RBFOX1: variants seen among roughly 807,000 people sequenced by gnomAD.
The protein encoded by RBFOX1 is RNA binding fox-1 homolog 1, also known as RNA binding protein fox-1 homolog 1.
Under a neutral mutation model 57.7 loss-of-function variants are expected in RBFOX1, and 8 were observed. That is an observed-to-expected ratio of 0.14 (90% confidence interval 0.08 to 0.25). The LOEUF (loss-of-function observed/expected upper bound fraction) is 0.25. RBFOX1 is among the 10% of genes least tolerant of loss of function. RBFOX1 has a pLI of 1.00. For synonymous variants in RBFOX1, 326 were observed against 222.4 expected, an observed-to-expected ratio of 1.47 and a Z score of -4.15; for missense variants, 611 against 548.5, an observed-to-expected ratio of 1.11 and a Z score of -1.14.
chr16:6,365,198 A>AGATGGATGGGTAGATGAATG (rs1568026429), intron 2 of RBFOX1, among the ~76,000 whole-genome samples: 2 of 152,232 alleles, frequency 1.3e-5, no homozygotes, highest in African/African-American at 4.8e-5. Context: ...TTCTTAAAAT[A>AGATGGATGGGTAGATGAATG]GATGGATGGG....
chr16:6,943,350 A>C (rs1597950869), intron 3 of RBFOX1, among the ~76,000 whole-genome samples: 1 of 152,218 alleles, frequency 6.6e-6, no homozygotes, highest in East Asian at 1.9e-4. Context: ...TCTATATTTG[A>C]GTTCTTGTGG....
At chr16:6,872,530 T>G (rs938336570) in intron 3 of RBFOX1, among the ~76,000 whole-genome samples, 14 of 152,188 alleles carry the variant, frequency 9.2e-5, no homozygotes, top group African/African-American at 3.4e-4. Flanking sequence ...TATTTGAAAG[T>G]CTGGTTCCTG....
intron 4 of RBFOX1, among the ~76,000 whole-genome samples, chr16:7,297,268 A>G (rs1246923196): frequency 6.6e-6 from 1 of 152,034 alleles, no homozygotes; most frequent in Non-Finnish European, 1.5e-5. Context: ...AAACTACCCC[A>G]CCCTGTGAGA....
intron 3 of RBFOX1, among the ~76,000 whole-genome samples, chr16:5,659,398 G>A (rs909657849): frequency 2.6e-5 from 4 of 151,356 alleles, no homozygotes; most frequent in Admixed American, 6.6e-5. Context: ...CTGCCTCCCG[G>A]GTTCACGTCA....
chr16:6,382,728 C>T (rs1487745713), intron 2 of RBFOX1, among the ~76,000 whole-genome samples: 2 of 152,126 alleles, frequency 1.3e-5, no homozygotes, highest in Admixed American at 1.3e-4. Flanking sequence ...GATGTGGTGG[C>T]AGGTGCCTGT....
chr16:6,783,391 T>C (rs1348381024), intron 3 of RBFOX1, among the ~76,000 whole-genome samples: 1 of 151,500 alleles, frequency 6.6e-6, no homozygotes, highest in African/African-American at 2.4e-5. Context: ...TCTTTTAATT[T>C]TTTTGTGTCC....
intron 4 of RBFOX1, among the ~76,000 whole-genome samples, chr16:5,933,699 T>A (rs11641550): frequency 6.6e-6 from 1 of 152,058 alleles, no homozygotes; most frequent in South Asian, 2.1e-4. Flanking sequence ...CCTGAAATAC[T>A]ATGTAGAGTT....
At chr16:6,354,585 T>C (rs2086957762) in intron 2 of RBFOX1, among the ~76,000 whole-genome samples, 1 of 152,202 alleles carries the variant, frequency 6.6e-6, no homozygotes, top group African/African-American at 2.4e-5. Context: ...CCTCTTCCTC[T>C]GGCTCATTCC....
At chr16:6,312,306 C>T (rs746594312) in intron 1 of RBFOX1, among the ~76,000 whole-genome samples, 1 of 152,100 alleles carries the variant, frequency 6.6e-6, no homozygotes, top group Admixed American at 6.5e-5. Flanking sequence ...ACAAGGCAGC[C>T]CTTACCCTCC....
chr16:6,909,913 G>A (rs1254640212), intron 3 of RBFOX1, among the ~76,000 whole-genome samples: 1 of 152,036 alleles, frequency 6.6e-6, no homozygotes, highest in Non-Finnish European at 1.5e-5. Flanking sequence ...TGTTCGGGCA[G>A]GATTTGCTTT....
At chr16:6,121,682 T>G (rs2096550824) in intron 1 of RBFOX1, among the ~76,000 whole-genome samples, 1 of 152,032 alleles carries the variant, frequency 6.6e-6, no homozygotes, top group Non-Finnish European at 1.5e-5. Context: ...GGTTAACAGG[T>G]GGGGAGCTCT....
chr16:7,693,355 A>G, intron 14 of RBFOX1: 1 of 1,612,118 alleles, frequency 6.2e-7, no homozygotes. Flanking sequence ...AATTTCTTGT[A>G]ACACCTCTGC....
At chr16:7,051,970 G>C (rs2050237190) in intron 3 of RBFOX1, 87 bp from the exon 4 acceptor site, 8 of 1,542,566 alleles carry the variant, frequency 5.2e-6, no homozygotes, top group Non-Finnish European at 7.0e-6. Flanking sequence ...TTTGAGCTGA[G>C]TAATTAAAAG....
rs1601792993 is a variant in RBFOX1 at position 7,172,042 on chromosome 16, A to G, written c.27+119944A>G. 2.0e-5 allele frequency among the ~76,000 whole-genome samples: 3 copies of G among 151,102 alleles called. No homozygotes were observed. In the South Asian group the frequency reaches 6.3e-4, roughly 32 times the overall value. On this transcript the variant is annotated intron_variant, in intron 4 of 15. Transcript: ENST00000550418. Reference sequence around the variant, plus strand: ...GATTTTTGCTTCCAGTTTTGTCACAATTCACATGATATTGGGCAATTTAGA... The same window carrying G: ...GATTTTTGCTTCCAGTTTTGTCACAGTTCACATGATATTGGGCAATTTAGA...
intron 2 of RBFOX1, among the ~76,000 whole-genome samples, chr16:6,470,555 C>G (rs758711352): frequency 6.6e-6 from 1 of 152,182 alleles, no homozygotes; most frequent in Non-Finnish European, 1.5e-5. Context: ...TCCAGTTGGC[C>G]TTTAGCCACT....
At chr16:6,255,712 T>TA (rs1214570491) in intron 1 of RBFOX1, among the ~76,000 whole-genome samples, 2 of 151,834 alleles carry the variant, frequency 1.3e-5, no homozygotes, top group South Asian at 2.1e-4. Flanking sequence ...TATGCAGCCG[T>TA]AAAAAAAGAA....
At position 5,767,577 on chromosome 16, in the gene RBFOX1, AC is replaced by A. The variant is rs1193474269; in HGVS notation, c.319-99725del. On this transcript the variant is annotated intron_variant, in intron 3 of 19. Coordinates refer to the RBFOX1 transcript ENST00000641259. ...CCTGCGTGAGTTTCCAAGCTCACAC[AC>A]ATCTCCAGCTTCCTGCTTTTGTCAC... 2.1e-4 allele frequency among the ~76,000 whole-genome samples: 32 copies of A among 152,296 alleles called. 1 individual carries two copies. The highest frequency in any genetic ancestry group is 7.7e-4 in the African/African-American group (32 of 41,560).
chr16:7,010,764 C>A (rs779872262), intron 3 of RBFOX1, among the ~76,000 whole-genome samples: 5 of 152,088 alleles, frequency 3.3e-5, no homozygotes, highest in Non-Finnish European at 7.4e-5. Context: ...ATGGTTTCTC[C>A]ATGTTGGCCA....
At chr16:5,901,085 G>A (rs2058294964) in intron 4 of RBFOX1, among the ~76,000 whole-genome samples, 1 of 152,270 alleles carries the variant, frequency 6.6e-6, no homozygotes, top group East Asian at 1.9e-4. Flanking sequence ...ACTCTGTGCT[G>A]TGACTAGTGT....
Sources: gnomAD v4.1 joint callset for allele counts (sites outside exome capture counted in the v4.1 genomes callset) on GRCh38, gnomAD v4.1.1 for gene constraint, MANE v1.5 for transcripts, NCBI Gene and HGNC (gene_info 2026-07-23, HGNC 2026-07-21) for gene names.